DNAH8: variants seen among roughly 807,000 people sequenced by gnomAD.
DNAH8 encodes dynein axonemal heavy chain 8, also known as axonemal beta dynein heavy chain 8.
A neutral mutation model predicts 562.1 loss-of-function variants in DNAH8; 382 were observed. The ratio of observed to expected loss-of-function variants is 0.68; its 90% confidence interval spans 0.63 to 0.74. The LOEUF (loss-of-function observed/expected upper bound fraction) is 0.74. Ranked by LOEUF, DNAH8 falls within the 30% of genes least tolerant of loss-of-function variation. DNAH8 has a pLI of 0.00. For synonymous variants in DNAH8, 1,881 were observed against 1,919.4 expected (o/e 0.98, Z 0.52); for missense variants, 5,203 against 5,620.4 (o/e 0.93, Z 2.37).
chr6:38,814,898 A>G (rs1253550183), intron 25 of DNAH8, among the ~76,000 whole-genome samples: 3 of 152,134 alleles, frequency 2.0e-5, no homozygotes, highest in Admixed American at 2.0e-4. Context: ...GCTGATGGGC[A>G]TCTGGAACTC....
At chr6:38,873,415 A>AT (rs369434009) in intron 52 of DNAH8, 39 bp downstream of exon 52, 393 of 1,525,700 alleles carry the variant, frequency 2.6e-4, no homozygotes, top group Admixed American at 5.0e-4. Context: ...TTCGATTTTG[A>AT]TTTTTTTTTC....
intron 49 of DNAH8, among the ~76,000 whole-genome samples, chr6:38,871,722 G>A (rs1197661165): frequency 2.0e-5 from 3 of 152,012 alleles, no homozygotes; most frequent in South Asian, 2.1e-4. Context: ...CCATTTCCAC[G>A]TGCCCCTGCC....
chr6:38,934,693 C>T (rs139779059), intron 76 of DNAH8, among the ~76,000 whole-genome samples: 3 of 152,230 alleles, frequency 2.0e-5, no homozygotes, highest in African/African-American at 7.2e-5. Flanking sequence ...ACTGACACAT[C>T]AGTATCAGTG....
rs140255255 is a variant in DNAH8, at chr6:38,766,280, A to T, written c.1618-4133A>T. ...TGCTAAGTGAAATAAGCCAGGCACAAAGACAAATACTGCCTTTTTTCACCT... is the reference window on the plus strand; with the variant it reads ...TGCTAAGTGAAATAAGCCAGGCACATAGACAAATACTGCCTTTTTTCACCT... On this transcript the variant is annotated intron_variant, in intron 11 of 92. Coordinates refer to ENST00000327475, the MANE Select transcript of DNAH8 (RefSeq NM_001206927.2). 3.9e-3 allele frequency among the ~76,000 whole-genome samples: 588 copies of T among 152,304 alleles called. 8 individuals carry two copies. Among genetic ancestry groups the T allele is most frequent in the African/African-American group, 0.012 (519 of 41,562 alleles).
chr6:38,768,572 TA>T (rs11302547), intron 11 of DNAH8, among the ~76,000 whole-genome samples: 34,093 of 149,666 alleles, frequency 0.23, 4,251 homozygotes, highest in East Asian at 0.46. Context: ...GCCTGTTTAT[TA>T]AAAAAAAAAC....
intron 4 of DNAH8, among the ~76,000 whole-genome samples, chr6:38,733,363 G>A (rs961279013): frequency 3.9e-5 from 6 of 152,168 alleles, no homozygotes; most frequent in African/African-American, 1.4e-4. Flanking sequence ...ATGGAAATTA[G>A]TTCAAGGAGG....
chr6:38,896,685 C>T (rs187212068), intron 60 of DNAH8, among the ~76,000 whole-genome samples: 38 of 152,238 alleles, frequency 2.5e-4, no homozygotes, highest in African/African-American at 9.1e-4. Context: ...ATCCTCTATA[C>T]CTATACCAAG....
At chr6:38,856,332 A>G (rs1293100662) in intron 41 of DNAH8, among the ~76,000 whole-genome samples, 1 of 152,164 alleles carries the variant, frequency 6.6e-6, no homozygotes, top group East Asian at 1.9e-4. Flanking sequence ...ACTAAGTCGC[A>G]TGCCTTTTTA....
chr6:38,861,764 C>G (rs1174439669), intron 43 of DNAH8, among the ~76,000 whole-genome samples: 1 of 152,136 alleles, frequency 6.6e-6, no homozygotes, highest in Non-Finnish European at 1.5e-5. Flanking sequence ...GAACTCCTGA[C>G]CTCATGATCC....
In DNAH8 at chr6:38,908,070, T is replaced by G. The variant is rs774931454; in HGVS notation, c.9463T>G (p.Phe3155Val). 1 of 1,606,898 alleles carries G rather than the reference T, an allele frequency of 6.2e-7. No individual in the cohort carries two copies. Among genetic ancestry groups the G allele is most frequent in the South Asian group, 1.1e-5 (1 of 89,586 alleles). ...PPTFDNLYEY[F>V]ISRSRKNLHV... Reference sequence around the variant, plus strand: ...TACCTTTGATAATTTGTATGAATACTTCATTTCAAGATCAAGGAAGAACTT... The same window carrying G: ...TACCTTTGATAATTTGTATGAATACGTCATTTCAAGATCAAGGAAGAACTT... The change falls in exon 64 of 93, where the codon TTC (phenylalanine) becomes GTC (valine). Residue 3155 changes from phenylalanine to valine, a missense_variant. Transcript: ENST00000327475.
At chr6:38,782,696 A>T (rs977985122) in intron 16 of DNAH8, among the ~76,000 whole-genome samples, 2 of 152,234 alleles carry the variant, frequency 1.3e-5, no homozygotes, top group Non-Finnish European at 2.9e-5. Context: ...TATCTTGTCC[A>T]GAACAGTGGG....
chr6:38,979,076 C>T (rs1763868724), intron 85 of DNAH8, among the ~76,000 whole-genome samples: 1 of 152,232 alleles, frequency 6.6e-6, no homozygotes, highest in East Asian at 1.9e-4. Flanking sequence ...CTGTCTGCAG[C>T]CTTTTTCTCC....
At chr6:38,930,915 C>T (rs1561878394) in intron 75 of DNAH8, among the ~76,000 whole-genome samples, 1 of 152,224 alleles carries the variant, frequency 6.6e-6, no homozygotes, top group East Asian at 1.9e-4. Flanking sequence ...CCATTTCTCC[C>T]ATCCCCTATC....
At chr6:38,889,624 C>G (rs945521518) in intron 57 of DNAH8, among the ~76,000 whole-genome samples, 1 of 152,200 alleles carries the variant, frequency 6.6e-6, no homozygotes. Context: ...ACTGCCCAAT[C>G]AAGGCCTTTT....
chr6:38,815,674 A>T lies in DNAH8; in HGVS notation c.3523+17A>T, dbSNP rs1772193928. 6.3e-7 allele frequency: 1 copy of T among 1,598,732 alleles called. No homozygotes were observed. Among genetic ancestry groups the T allele is most frequent in the Non-Finnish European group, 8.5e-7 (1 of 1,169,628 alleles). On this transcript the variant is annotated intron_variant, in intron 26 of 92. Transcript: ENST00000327475. ...AGGAAGAAAGTAAGAATGTAAAATT[A>T]GTCAATGATCTTACTGATCCTTTTT...
intron 89 of DNAH8, among the ~76,000 whole-genome samples, chr6:39,010,780 T>TACAC (rs57647007): frequency 1.4e-5 from 2 of 144,940 alleles, no homozygotes; most frequent in African/African-American, 2.6e-5. Context: ...TATATATATA[T>TACAC]ACACACACAC....
intron 74 of DNAH8, among the ~76,000 whole-genome samples, chr6:38,928,427 A>C (rs1782279879): frequency 6.6e-6 from 1 of 152,186 alleles, no homozygotes; most frequent in Admixed American, 6.5e-5. Flanking sequence ...AGTTCATTAA[A>C]GTTCTTTGTT....
At chr6:38,745,179 A>G (rs1377736853) in intron 8 of DNAH8, among the ~76,000 whole-genome samples, 2 of 152,164 alleles carry the variant, frequency 1.3e-5, no homozygotes, top group Non-Finnish European at 2.9e-5. Flanking sequence ...CTGTAACACA[A>G]CCTACTGCAG....
intron 31 of DNAH8, among the ~76,000 whole-genome samples, chr6:38,833,626 C>A (rs1230219886): frequency 1.3e-5 from 2 of 152,136 alleles, no homozygotes; most frequent in African/African-American, 4.8e-5. Context: ...TAACTGGGGA[C>A]TTTCCAGCAG....
Sources: gnomAD v4.1 joint callset for allele counts (sites outside exome capture counted in the v4.1 genomes callset) on GRCh38, gnomAD v4.1.1 for gene constraint, MANE v1.5 for transcripts, NCBI Gene and HGNC (gene_info 2026-07-23, HGNC 2026-07-21) for gene names.